GRM8: variants seen among roughly 807,000 people sequenced by gnomAD.
The protein encoded by GRM8 is metabotropic glutamate receptor 8.
GRM8 carries 47 observed loss-of-function variants against 87.2 expected under a neutral mutation model. That is an observed-to-expected ratio of 0.54 (90% CI 0.43 to 0.69). The LOEUF (loss-of-function observed/expected upper bound fraction) is 0.69, where lower values mean the gene tolerates loss of function less well. Among genes scored for constraint, GRM8 ranks in the 30% least tolerant of loss-of-function variants. GRM8 has a pLI of 0.00. For synonymous variants in GRM8, 396 were observed against 404.5 expected (o/e 0.98, Z 0.25); for missense variants, 1,019 against 1,139.2 (o/e 0.89, Z 1.52).
chr7:126,860,751 T>C (rs139422358), intron 6 of GRM8, among the ~76,000 whole-genome samples: 44 of 152,300 alleles, frequency 2.9e-4, no homozygotes, highest in Middle Eastern at 6.8e-3. Flanking sequence ...ACACATTTAC[T>C]GGCCAAAACA....
chr7:126,452,112 T>G (rs919900905), intron 9 of GRM8, among the ~76,000 whole-genome samples: 1 of 151,546 alleles, frequency 6.6e-6, no homozygotes, highest in South Asian at 2.1e-4. Context: ...CCATAAAAAA[T>G]GATGAGTTCA....
intron 8 of GRM8, among the ~76,000 whole-genome samples, chr7:126,567,786 T>C (rs911087871): frequency 6.6e-6 from 1 of 152,074 alleles, no homozygotes; most frequent in Non-Finnish European, 1.5e-5. Context: ...AAAAATAAGA[T>C]GTTATATCCA....
chr7:127,007,507 T>C (rs2132079697), intron 3 of GRM8, among the ~76,000 whole-genome samples: 1 of 152,240 alleles, frequency 6.6e-6, no homozygotes, highest in East Asian at 1.9e-4. Context: ...TAATTTTTAC[T>C]ATTAACTTTT....
chr7:126,628,715 G>T (rs1190576515), intron 7 of GRM8, among the ~76,000 whole-genome samples: 3 of 152,132 alleles, frequency 2.0e-5, no homozygotes, highest in Non-Finnish European at 2.9e-5. Context: ...AATGAGAATG[G>T]GTTGGTAATT....
At chr7:126,907,236 G>C (rs1371715526) in intron 3 of GRM8, among the ~76,000 whole-genome samples, 1 of 140,974 alleles carries the variant, frequency 7.1e-6, no homozygotes, top group Non-Finnish European at 1.6e-5. Context: ...GGAGGAGGAA[G>C]AGATGGAGGA....
At chr7:126,715,410 C>A (rs1427332414) in intron 7 of GRM8, among the ~76,000 whole-genome samples, 1 of 152,294 alleles carries the variant, frequency 6.6e-6, no homozygotes, top group Middle Eastern at 3.4e-3. Context: ...GTTTACATTT[C>A]TCTCAACTGT....
intron 9 of GRM8, chr7:126,512,327 A>G (rs1247635374): frequency 6.6e-6 from 1 of 152,172 alleles, no homozygotes; most frequent in Non-Finnish European, 1.5e-5. Context: ...GGCTCAGAAC[A>G]GACCTCCATA....
chr7:126,666,281 G>C (rs1005330683), intron 7 of GRM8, among the ~76,000 whole-genome samples: 3 of 152,100 alleles, frequency 2.0e-5, no homozygotes, highest in Non-Finnish European at 4.4e-5. Context: ...GCTGATCAAA[G>C]TTGTATCTGA....
At chr7:126,690,554 T>C (rs922867473) in intron 7 of GRM8, among the ~76,000 whole-genome samples, 2 of 152,074 alleles carry the variant, frequency 1.3e-5, no homozygotes, top group African/African-American at 4.8e-5. Flanking sequence ...TGGTCTGGGC[T>C]CCCCAAAGGG....
intron 6 of GRM8, among the ~76,000 whole-genome samples, chr7:126,826,126 G>C (rs1794768248): frequency 6.6e-6 from 1 of 151,992 alleles, no homozygotes; most frequent in Non-Finnish European, 1.5e-5. Flanking sequence ...ATCATTGTTG[G>C]ACATTTGGGT....
intron 4 of GRM8, 88 bp downstream of exon 4, chr7:126,904,460 C>T (rs1802474524): frequency 4.6e-6 from 6 of 1,299,024 alleles, no homozygotes; most frequent in African/African-American, 1.5e-5. Context: ...AAGGCAATTA[C>T]AAGCTTTTAT....
chr7:127,075,533 A>G lies in GRM8; in HGVS notation c.727+30963T>C, dbSNP rs925346539. 3.3e-5 allele frequency among the ~76,000 whole-genome samples: 5 copies of G among 152,182 alleles called. No individual in the cohort carries two copies. The South Asian group carries it at 1.0e-3, about 32-fold the overall frequency. On this transcript the variant is annotated intron_variant, in intron 3 of 10. Transcript: ENST00000339582. ...GGGGCAGGGGGTCGGGGGGAGGTAC[A>G]TCTAACAACAGAGAAATCAGGAATA...
chr7:127,128,026 TACTC>T (rs1237265545), intron 2 of GRM8, among the ~76,000 whole-genome samples: 1 of 152,102 alleles, frequency 6.6e-6, no homozygotes, highest in Non-Finnish European at 1.5e-5. Context: ...CATTAGCTCT[TACTC>T]ACATCTCTTG....
At chr7:126,691,283 T>G (rs1019595131) in intron 7 of GRM8, among the ~76,000 whole-genome samples, 14 of 152,162 alleles carry the variant, frequency 9.2e-5, no homozygotes, top group Non-Finnish European at 1.6e-4. Flanking sequence ...CTGGCCAGGT[T>G]GCGACAGTGC....
At chr7:126,518,116 T>A (rs1450952691) in intron 9 of GRM8, among the ~76,000 whole-genome samples, 1 of 152,004 alleles carries the variant, frequency 6.6e-6, no homozygotes, top group East Asian at 1.9e-4. Flanking sequence ...TTTTAGCCAT[T>A]GAGGCAGAGC....
At chr7:127,161,446 A>G (rs2116224060) in intron 2 of GRM8, among the ~76,000 whole-genome samples, 1 of 152,270 alleles carries the variant, frequency 6.6e-6, no homozygotes, top group East Asian at 1.9e-4. Flanking sequence ...TGATTCTTCC[A>G]TCATCCAATC....
At chr7:126,442,061 A>C (rs972175301) in intron 10 of GRM8, among the ~76,000 whole-genome samples, 2 of 152,018 alleles carry the variant, frequency 1.3e-5, no homozygotes, top group African/African-American at 4.8e-5. Flanking sequence ...ACTGGTTCAA[A>C]ACCTACAATA....
chr7:127,226,652 G>T (rs1438672628), intron 2 of GRM8, among the ~76,000 whole-genome samples: 1 of 152,182 alleles, frequency 6.6e-6, no homozygotes, highest in Non-Finnish European at 1.5e-5. Flanking sequence ...GGGTTCCATG[G>T]TTTCAATATA....
chr7:127,150,745 T>G (rs1019118057), intron 2 of GRM8, among the ~76,000 whole-genome samples: 5 of 152,074 alleles, frequency 3.3e-5, no homozygotes, highest in Non-Finnish European at 5.9e-5. Context: ...TACTGCCTCC[T>G]TCTGTTCAAG....
Sources: allele counts gnomAD v4.1 joint callset (sites outside exome capture counted in the v4.1 genomes callset), GRCh38; gene constraint gnomAD v4.1.1; transcripts MANE v1.5; gene names NCBI Gene and HGNC (gene_info 2026-07-23, HGNC 2026-07-21).